DEPTOR: variants seen among roughly 807,000 people sequenced by gnomAD.
DEPTOR encodes the protein DEP domain containing MTOR interacting protein, also known as DEP domain-containing mTOR-interacting protein.
DEPTOR carries 41 observed loss-of-function variants against 41.6 expected under a neutral mutation model. That is an observed-to-expected ratio of 0.98 (90% confidence interval 0.77 to 1.28). DEPTOR has a LOEUF of 1.28. Ranked by LOEUF, DEPTOR falls within the 50% of genes most tolerant of loss-of-function variation. The probability of loss-of-function intolerance (pLI) is 0.00; values close to 1 mark genes in which losing one functional copy is unlikely to be tolerated. For missense variants in DEPTOR, 514 were observed against 527.9 expected (o/e 0.97, Z 0.26); for synonymous variants, 195 against 192.3 (o/e 1.01, Z -0.12).
chr8:119,948,647 A>G (rs1411110874), intron 3 of DEPTOR, among the ~76,000 whole-genome samples: 1 of 152,072 alleles, frequency 6.6e-6, no homozygotes, highest in Non-Finnish European at 1.5e-5. Flanking sequence ...AGTCAATTTC[A>G]GAGCATTTTC....
intron 4 of DEPTOR, among the ~76,000 whole-genome samples, chr8:119,982,090 A>C (rs1828776928): frequency 1.3e-5 from 2 of 151,914 alleles, no homozygotes; most frequent in South Asian, 4.2e-4. Flanking sequence ...ACAGCAGAAC[A>C]ATATTATTAA....
At chr8:120,037,578 C>T (rs529778875) in intron 8 of DEPTOR, among the ~76,000 whole-genome samples, 4 of 152,170 alleles carry the variant, frequency 2.6e-5, no homozygotes, top group East Asian at 3.9e-4. Flanking sequence ...CATGTGTTAT[C>T]GTTCCACCTG....
intron 8 of DEPTOR, among the ~76,000 whole-genome samples, chr8:120,022,469 G>A (rs1407352066): frequency 6.6e-6 from 1 of 152,002 alleles, no homozygotes; most frequent in Non-Finnish European, 1.5e-5. Context: ...TTTTTACTCT[G>A]CCTTTTAACT....
chr8:120,041,660 C>T (rs1813073245), intron 8 of DEPTOR, among the ~76,000 whole-genome samples: 2 of 152,156 alleles, frequency 1.3e-5, no homozygotes, highest in Admixed American at 6.5e-5. Flanking sequence ...GCCTCAGCCT[C>T]GAGAGTAGCT....
In DEPTOR at chr8:119,955,128, G is replaced by A. The variant is rs139619568; in HGVS notation, c.426-10104G>A. ...CCACCTCGGCCTCCCAAAGTGCTGG[G>A]ATTACAGGCATGAGCCACTGCACCC... On this transcript the variant is annotated intron_variant, in intron 3 of 8. Transcript: ENST00000286234. Among the ~76,000 whole-genome samples the A allele has an allele frequency of 4.6e-4, 70 of 152,274 alleles. 1 individual carries two copies. The East Asian group carries it at 0.013, about 28-fold the overall frequency.
chr8:119,910,903 TG>T, intron 1 of DEPTOR, among the ~76,000 whole-genome samples: 1 of 151,950 alleles, frequency 6.6e-6, no homozygotes, highest in East Asian at 1.9e-4. Context: ...TAATGTGGAG[TG>T]GTTTGGGATC....
At chr8:119,911,311 CTTTT>C (rs147066045) in intron 1 of DEPTOR, among the ~76,000 whole-genome samples, 55,974 of 105,918 alleles carry the variant, frequency 0.53, 14,454 homozygotes, top group East Asian at 0.88. Context: ...TACACACATT[CTTTT>C]TTTTTTTTTT....
At chr8:120,005,068 C>T (rs527877940) in intron 6 of DEPTOR, among the ~76,000 whole-genome samples, 71 of 152,090 alleles carry the variant, frequency 4.7e-4, no homozygotes, top group Admixed American at 1.2e-3. Context: ...CTATATTTTT[C>T]AACATAATAA....
At chr8:120,016,077 C>T (rs1329243918) in intron 8 of DEPTOR, among the ~76,000 whole-genome samples, 1 of 152,050 alleles carries the variant, frequency 6.6e-6, no homozygotes, top group Admixed American at 6.6e-5. Context: ...CAAAAACTTC[C>T]CTAGGACCCC....
intron 1 of DEPTOR, among the ~76,000 whole-genome samples, chr8:119,898,634 G>A (rs1827550273): frequency 6.6e-6 from 1 of 151,786 alleles, no homozygotes; most frequent in Non-Finnish European, 1.5e-5. Context: ...TGAGGTGGGA[G>A]GATCGCTGGA....
Position 120,001,585 on chromosome 8 carries a change from G to C in DEPTOR, c.665G>C (p.Arg222Pro). The change falls in exon 5 of 9, where the codon CGG becomes CCG. Residue 222 changes from arginine (R) to proline (P), a missense_variant. Coordinates refer to ENST00000286234, the MANE Select transcript of DEPTOR (RefSeq NM_022783.4). The stretch of plus-strand genomic sequence containing the variant: ...CTCTACCAGTTCAGAATGAACTTCC[G>C]GCGGAGGCGAAGACTGATGGAGCTG... ...NLLYQFRMNF[R>P]RRRRLMELLN... 6.2e-7 allele frequency: 1 copy of C among 1,613,640 alleles called. No homozygotes were observed. The highest frequency in any genetic ancestry group is 8.5e-7 in the Non-Finnish European group (1 of 1,179,888).
At chr8:119,918,800 G>A (rs1827849686) in intron 1 of DEPTOR, among the ~76,000 whole-genome samples, 1 of 151,962 alleles carries the variant, frequency 6.6e-6, no homozygotes. Flanking sequence ...CTCCATGTTG[G>A]TCAGGCTGGT....
At chr8:119,956,591 G>A (rs1165635421) in intron 3 of DEPTOR, among the ~76,000 whole-genome samples, 1 of 151,982 alleles carries the variant, frequency 6.6e-6, no homozygotes, top group Non-Finnish European at 1.5e-5. Flanking sequence ...AAGGGACAGA[G>A]TGGTCAGAAC....
intron 8 of DEPTOR, among the ~76,000 whole-genome samples, chr8:120,033,173 T>C (rs1295592519): frequency 6.7e-6 from 1 of 148,686 alleles, no homozygotes; most frequent in Non-Finnish European, 1.5e-5. Context: ...CTGCAACCTC[T>C]GCCTCCCGGG....
At chr8:119,877,620 C>G (rs992182263) in intron 1 of DEPTOR, among the ~76,000 whole-genome samples, 1 of 152,212 alleles carries the variant, frequency 6.6e-6, no homozygotes, top group Non-Finnish European at 1.5e-5. Flanking sequence ...TAAGAGGAAA[C>G]CAAGGACTGG....
At chr8:120,039,588 G>A (rs1055230628) in intron 8 of DEPTOR, among the ~76,000 whole-genome samples, 4 of 152,012 alleles carry the variant, frequency 2.6e-5, no homozygotes, top group South Asian at 4.1e-4. Flanking sequence ...AAATTTCAAC[G>A]GCTTTCAAAT....
At chr8:120,045,898 C>G (rs960497309) in intron 8 of DEPTOR, among the ~76,000 whole-genome samples, 2 of 152,122 alleles carry the variant, frequency 1.3e-5, no homozygotes, top group Admixed American at 1.3e-4. Context: ...GCCAGACAGC[C>G]CTGCTGACTG....
At chr8:119,881,383 G>T (rs2129675295) in intron 1 of DEPTOR, among the ~76,000 whole-genome samples, 1 of 152,132 alleles carries the variant, frequency 6.6e-6, no homozygotes, top group South Asian at 2.1e-4. Flanking sequence ...AATTAGCTGG[G>T]GGTGGTGGTG....
At chr8:119,949,628 A>G (rs1287643709) in intron 3 of DEPTOR, among the ~76,000 whole-genome samples, 1 of 152,062 alleles carries the variant, frequency 6.6e-6, no homozygotes, top group Non-Finnish European at 1.5e-5. Flanking sequence ...CTATGTAATT[A>G]TTGGCTAATT....
Sources: gnomAD v4.1 joint callset for allele counts (sites outside exome capture counted in the v4.1 genomes callset) on GRCh38, gnomAD v4.1.1 for gene constraint, MANE v1.5 for transcripts, NCBI Gene and HGNC (gene_info 2026-07-23, HGNC 2026-07-21) for gene names.